Variants in NCR1 observed in about 807,000 individuals in gnomAD.
NCR1 encodes the protein natural cytotoxicity triggering receptor 1, also known as NK cell-activating receptor.
Under a neutral mutation model 32.5 loss-of-function variants are expected in NCR1, and 30 were observed. That is an observed-to-expected ratio of 0.92 (90% confidence interval 0.69 to 1.25). The LOEUF is 1.25. NCR1 is among the 50% of genes most tolerant of loss of function. The pLI is 0.00. For synonymous variants in NCR1, 169 were observed against 143.4 expected (o/e 1.18, Z -1.28); for missense variants, 369 against 380.7 (o/e 0.97, Z 0.26).
chr19:54,910,113 AG>A (rs1282086124), intron 5 of NCR1, 48 bp downstream of exon 5: 1 of 1,563,390 alleles, frequency 6.4e-7, no homozygotes, highest in Admixed American at 1.8e-5. Context: ...AGAGCCTCCC[AG>A]TGACACTAAA....
chr19:54,936,939 G>A, the NCR1 span, among the ~76,000 whole-genome samples: 1 of 151,548 alleles, frequency 6.6e-6, no homozygotes, highest in Non-Finnish European at 1.5e-5. Flanking sequence ...TTCGCCGGGT[G>A]TGGTGGCTCA....
intron 3 of NCR1, among the ~76,000 whole-genome samples, chr19:54,908,775 A>T (rs1224016416): frequency 6.6e-6 from 1 of 151,030 alleles, no homozygotes; most frequent in Non-Finnish European, 1.5e-5. Context: ...GATTACAGGC[A>T]TGTGCCACCA....
At chr19:54,931,410 C>T in the NCR1 span, among the ~76,000 whole-genome samples, 1 of 152,104 alleles carries the variant, frequency 6.6e-6, no homozygotes, top group Non-Finnish European at 1.5e-5. Flanking sequence ...CAAAAATTAG[C>T]TGGGCACGAT....
At chr19:54,904,537 T>G (rs1427545337), upstream of NCR1, among the ~76,000 whole-genome samples, 1 of 148,748 alleles carries the variant, frequency 6.7e-6, no homozygotes, top group Non-Finnish European at 1.5e-5. Context: ...TTTTCTTTTT[T>G]TTTTTTTTTT....
chr19:54,906,022 T>C (rs865906875), upstream of NCR1: 3 of 788,990 alleles, frequency 3.8e-6, no homozygotes, highest in Non-Finnish European at 6.3e-6. Context: ...TGTAAGCTCA[T>C]GGTCAGAGGC....
the NCR1 span, chr19:54,930,807 C>T: frequency 2.7e-6 from 2 of 734,884 alleles, no homozygotes; most frequent in Non-Finnish European, 4.8e-6. Flanking sequence ...CCTCTGCCTC[C>T]CAGGTTCAAG....
chr19:54,904,092 C>T (rs2067387530), upstream of NCR1, among the ~76,000 whole-genome samples: 2 of 143,742 alleles, frequency 1.4e-5, no homozygotes, highest in African/African-American at 5.2e-5. Context: ...CACCACTGCA[C>T]CACAGCCTGG....
chr19:54,902,082 G>A (rs1569535368), upstream of NCR1, among the ~76,000 whole-genome samples: 1 of 152,202 alleles, frequency 6.6e-6, no homozygotes, highest in African/African-American at 2.4e-5. Flanking sequence ...GGATAGATCA[G>A]ACAATAGTGT....
the NCR1 span, among the ~76,000 whole-genome samples, chr19:54,900,211 C>A: frequency 1.3e-5 from 2 of 152,126 alleles, no homozygotes; most frequent in African/African-American, 4.8e-5. Context: ...GAAGAGACCA[C>A]CAAACAGGAT....
chr19:54,906,476 G>A (rs750744420), intron 2 of NCR1, 47 bp from the exon 3 acceptor site: 2 of 1,599,244 alleles, frequency 1.3e-6, no homozygotes, highest in Non-Finnish European at 1.7e-6. Context: ...GCCTAAGGTT[G>A]GGGGGAGGGG....
At chr19:54,933,819 G>A in the NCR1 span, 1 of 1,226,476 alleles carries the variant, frequency 8.2e-7, no homozygotes, top group Non-Finnish European at 1.2e-6. Flanking sequence ...CCACATGCTA[G>A]GGTACTCAGC....
chr19:54,934,459 C>T, the NCR1 span: 3 of 1,612,680 alleles, frequency 1.9e-6, no homozygotes, highest in Non-Finnish European at 2.5e-6. This position sits in a 1 kb window ranked among gnomAD's most constrained non-coding sequence, Gnocchi z 6.7. Flanking sequence ...AGAACTAAAC[C>T]AGAGCTGCCC....
chr19:54,926,057 C>T, the NCR1 span, among the ~76,000 whole-genome samples: 9,049 of 141,242 alleles, frequency 0.064, 619 homozygotes, highest in African/African-American at 0.17. Context: ...AAAAAGACTC[C>T]GTCTCAAAAA....
rs780275656 is a variant in NCR1, at chr19:54,912,809, G to A, written c.853G>A (p.Glu285Lys). 2.5e-5 allele frequency: 40 copies of A among 1,613,742 alleles called. No individual in the cohort carries two copies. The highest frequency in any genetic ancestry group is 3.1e-5 in the Non-Finnish European group (36 of 1,180,016). The change falls in exon 7 of 7, where the codon GAG (glutamate) becomes AAG (lysine). Residue 285 changes from glutamate to lysine, a missense_variant. Transcript: ENST00000291890. Reference sequence around the variant, plus strand: ...CTGGCTCAGCAGGAAGAGGACTAGAGAGCGAGCCAGCAGAGCTTCCACTTG... The same window carrying A: ...CTGGCTCAGCAGGAAGAGGACTAGAAAGCGAGCCAGCAGAGCTTCCACTTG... ...EDWLSRKRTR[E>K]RASRASTWEG...
chr19:54,934,680 G>T, the NCR1 span: 6 of 1,604,482 alleles, frequency 3.7e-6, no homozygotes, highest in Non-Finnish European at 5.1e-6. The surrounding 1 kb of genome is among the most constrained non-coding windows in gnomAD (Gnocchi z 6.7). Context: ...AGTGGGAAAA[G>T]TCATTCTTCT....
upstream of NCR1, among the ~76,000 whole-genome samples, chr19:54,903,491 CAT>C (rs913662242): frequency 7.7e-6 from 1 of 129,282 alleles, no homozygotes; most frequent in African/African-American, 2.7e-5. Flanking sequence ...TATGTATATA[CAT>C]ATATGTATGT....
At position 54,909,384 on chromosome 19, in the gene NCR1, G is replaced by T; in HGVS notation, c.495G>T (p.Gln165His). Residue 165 changes from glutamine (Q) to histidine (H), a missense_variant, in exon 4 of 7, where the codon CAG (glutamine) becomes CAT (histidine). Gln to His is a conservative substitution (Grantham distance 24, BLOSUM62 0). Coordinates refer to ENST00000291890, the MANE Select transcript of NCR1 (RefSeq NM_004829.7). ...AGGAGGGAAGATCCAGCCACGTACA[G>T]CGCGGATACGGGAAGGTCCAGGCGG... ...LLKEGRSSHV[Q>H]RGYGKVQAEF... 3 of 1,614,044 alleles carry T rather than the reference G, an allele frequency of 1.9e-6. No individual in the cohort carries two copies. In the South Asian group the frequency reaches 3.3e-5, roughly 18 times the overall value.
chr19:54,925,265 A>G, the NCR1 span, among the ~76,000 whole-genome samples: 1 of 152,176 alleles, frequency 6.6e-6, no homozygotes, highest in Non-Finnish European at 1.5e-5. Context: ...CCTTGGTGGC[A>G]TTACAGACCT....
intron 4 of NCR1, 36 bp downstream of exon 4, chr19:54,909,559 C>T: frequency 6.3e-7 from 1 of 1,579,082 alleles, no homozygotes; most frequent in Non-Finnish European, 8.6e-7. Flanking sequence ...CCCTTCGCCG[C>T]CATGTGCTAC....
Sources: gnomAD v4.1 joint callset for allele counts (sites outside exome capture counted in the v4.1 genomes callset) on GRCh38, gnomAD v4.1.1 for gene constraint, Gnocchi (gnomAD v3.1) non-coding constraint, MANE v1.5 for transcripts, NCBI Gene and HGNC (gene_info 2026-07-23, HGNC 2026-07-21) for gene names.